CETN3: variants seen among roughly 807,000 people sequenced by gnomAD.
The protein encoded by CETN3 is centrin-3.
CETN3 carries 17 observed loss-of-function variants against 20.1 expected under a neutral mutation model. That is an observed-to-expected ratio of 0.85 (90% CI 0.58 to 1.27). The LOEUF (loss-of-function observed/expected upper bound fraction) is 1.27. Ranked by LOEUF, CETN3 falls within the 50% of genes most tolerant of loss-of-function variation. The pLI, the probability that CETN3 is intolerant of heterozygous loss-of-function variation, is 0.00. For missense variants in CETN3, 169 were observed against 191.2 expected (o/e 0.88, Z 0.69); for synonymous variants, 52 against 59.7 (o/e 0.87, Z 0.59).
intron 1 of CETN3, among the ~76,000 whole-genome samples, chr5:90,408,891 CA>C (rs1450895527): frequency 6.6e-6 from 1 of 151,414 alleles, no homozygotes; most frequent in Non-Finnish European, 1.5e-5. Flanking sequence ...TGACTTGACA[CA>C]AACTTGGGTA....
intron 3 of CETN3, among the ~76,000 whole-genome samples, chr5:90,401,889 G>T (rs1749299991): frequency 6.6e-6 from 1 of 151,988 alleles, no homozygotes; most frequent in Non-Finnish European, 1.5e-5. Flanking sequence ...TCGCTCTGTT[G>T]CCCAGGCTGG....
chr5:90,406,262 AAG>A (rs1749436070), intron 2 of CETN3, among the ~76,000 whole-genome samples: 1 of 152,020 alleles, frequency 6.6e-6, no homozygotes, highest in Admixed American at 6.5e-5. Context: ...TTAGAGAAAA[AAG>A]AGATTTTGTT....
At position 90,394,026 on chromosome 5, in the gene CETN3, G is replaced by C. The variant is rs1409157197; in HGVS notation, c.*38C>G. 1 of 1,358,534 alleles carries C rather than the reference G, an allele frequency of 7.4e-7. No homozygotes were observed. Among genetic ancestry groups the C allele is most frequent in the Non-Finnish European group, 1.0e-6 (1 of 965,286 alleles). The allele number at this position is 1,358,534 out of a possible 1,614,324, so 84.2% of individuals were successfully genotyped here. On this transcript the variant is annotated 3_prime_UTR_variant, in exon 5 of 5. Coordinates refer to ENST00000283122, the MANE Select transcript of CETN3 (RefSeq NM_004365.4). The stretch of plus-strand genomic sequence containing the variant: ...AGGCACAAAAATAGAATATAAGATG[G>C]TAACTGCAACATTCTTAGTGTTTAT...
chr5:90,408,351 C>T (rs1471204650), intron 1 of CETN3, among the ~76,000 whole-genome samples: 4 of 152,134 alleles, frequency 2.6e-5, no homozygotes, highest in Non-Finnish European at 5.9e-5. Context: ...AGTATTTTAG[C>T]ACTGTTGGTT....
At chr5:90,406,110 A>G (rs1189743911) in intron 2 of CETN3, among the ~76,000 whole-genome samples, 5 of 152,144 alleles carry the variant, frequency 3.3e-5, no homozygotes, top group Non-Finnish European at 7.4e-5. Flanking sequence ...TTCTGAAGGG[A>G]TTAACAATCA....
In CETN3 at chr5:90,399,534, A is replaced by C; in HGVS notation, c.284T>G (p.Leu95Trp). 5 of 1,612,122 alleles carry C rather than the reference A, an allele frequency of 3.1e-6. No individual in the cohort carries two copies. The highest frequency in any genetic ancestry group is 4.2e-6 in the Non-Finnish European group (5 of 1,178,666). ...DFNEVVTDWI[L>W]ERDPHEEILK... ...TATTTCTTCATGGGGATCTCTTTCCAATATCCAGTCTGTCACTACAGTTTA... is the reference window on the plus strand; with the variant it reads ...TATTTCTTCATGGGGATCTCTTTCCCATATCCAGTCTGTCACTACAGTTTA... Residue 95 changes from leucine to tryptophan, a missense_variant, in exon 4 of 5, where the codon TTG (leucine) becomes TGG (tryptophan). Physicochemically the swap from Leu to Trp is moderately conservative, Grantham distance 61. Coordinates refer to ENST00000283122, the MANE Select transcript of CETN3 (RefSeq NM_004365.4).
intron 3 of CETN3, among the ~76,000 whole-genome samples, chr5:90,403,826 C>G (rs1232812865): frequency 2.1e-5 from 3 of 141,564 alleles, no homozygotes; most frequent in Non-Finnish European, 3.1e-5. Flanking sequence ...AGCCGAGATC[C>G]CGCCACTGCA....
At chr5:90,406,861 A>C (rs1749461877) in intron 2 of CETN3, among the ~76,000 whole-genome samples, 1 of 150,998 alleles carries the variant, frequency 6.6e-6, no homozygotes, top group South Asian at 2.1e-4. Flanking sequence ...AAAAACAAAA[A>C]AAACAGTGGG....
At position 90,407,822 on chromosome 5, in the gene CETN3, T is replaced by G; in HGVS notation, c.30A>C (p.Val10=). Residue 10 remains valine (V), a synonymous_variant, in exon 2 of 5, where the codon GTA becomes GTC. Transcript: ENST00000283122. MSLALRSEL[V]VDKTKRKKRR... ...TTTTTTTCCTCTTTGTTTTGTCCAC[T>G]ACAAGCTCACTTCTATGAAATGGAA... 6.3e-7 allele frequency: 1 copy of G among 1,590,912 alleles called. No homozygotes were observed. Among genetic ancestry groups the G allele is most frequent in the South Asian group, 1.2e-5 (1 of 85,744 alleles).
intron 4 of CETN3, among the ~76,000 whole-genome samples, chr5:90,396,839 C>T (rs969367882): frequency 4.6e-5 from 7 of 151,932 alleles, no homozygotes; most frequent in African/African-American, 1.2e-4. Flanking sequence ...ATTTAAAATA[C>T]GGTCAGCCTT....
intron 4 of CETN3, chr5:90,396,310 G>A (rs541507236): frequency 2.9e-5 from 29 of 985,000 alleles, no homozygotes; most frequent in East Asian, 1.1e-4. Flanking sequence ...TGGTAAGAAC[G>A]TAATACAAAA....
In CETN3 at chr5:90,409,650, A is replaced by G; in HGVS notation, c.12T>C (p.Ala4=). The part of the protein sequence containing the change: MSL[A]LRSELVVDKT... Reference sequence around the variant, plus strand: ...GCCGCCTCCTTATTACCGACCTCAGAGCTAAACTCATTATCTCTTCGCACA... The same window carrying G: ...GCCGCCTCCTTATTACCGACCTCAGGGCTAAACTCATTATCTCTTCGCACA... Residue 4 remains alanine (A), a synonymous_variant, in exon 1 of 5, where the codon GCT becomes GCC. Coordinates refer to ENST00000283122, the MANE Select transcript of CETN3 (RefSeq NM_004365.4). 1 of 1,614,024 alleles carries G rather than the reference A, an allele frequency of 6.2e-7. No individual in the cohort carries two copies. The highest frequency in any genetic ancestry group is 8.5e-7 in the Non-Finnish European group (1 of 1,180,008).
chr5:90,397,704 C>T (rs951842206), intron 4 of CETN3, among the ~76,000 whole-genome samples: 29 of 152,184 alleles, frequency 1.9e-4, no homozygotes, highest in African/African-American at 6.3e-4. Flanking sequence ...TACAATATTA[C>T]GTTTAAAAGC....
intron 4 of CETN3, among the ~76,000 whole-genome samples, chr5:90,398,874 C>T (rs1394766659): frequency 1.3e-5 from 2 of 152,200 alleles, no homozygotes; most frequent in Non-Finnish European, 2.9e-5. Flanking sequence ...AAAGCAAGAA[C>T]CACATCTGCC....
intron 3 of CETN3, among the ~76,000 whole-genome samples, chr5:90,403,875 G>GA (rs60385437): frequency 0.2 from 16,962 of 86,716 alleles, 2,308 homozygotes; most frequent in African/African-American, 0.27. Context: ...TGTCTCAAAA[G>GA]AAAAAAAAAA....
intron 1 of CETN3, among the ~76,000 whole-genome samples, chr5:90,409,402 C>G (rs1749560875): frequency 6.6e-6 from 1 of 152,168 alleles, no homozygotes. Flanking sequence ...AACCTTCTGG[C>G]AGTCCAAAGC....
chr5:90,403,041 G>A (rs963511844), intron 3 of CETN3, among the ~76,000 whole-genome samples: 1 of 152,176 alleles, frequency 6.6e-6, no homozygotes, highest in African/African-American at 2.4e-5. Flanking sequence ...TAGTCTTAAA[G>A]ACACTAATTC....
At chr5:90,396,743 C>T (rs906209865) in intron 4 of CETN3, among the ~76,000 whole-genome samples, 1 of 152,024 alleles carries the variant, frequency 6.6e-6, no homozygotes, top group African/African-American at 2.4e-5. Flanking sequence ...TTTTAAGTTT[C>T]ATATATAAGT....
At chr5:90,402,906 G>C (rs997230417) in intron 3 of CETN3, among the ~76,000 whole-genome samples, 5 of 152,134 alleles carry the variant, frequency 3.3e-5, no homozygotes, top group African/African-American at 4.8e-5. Context: ...CCCCAGTACA[G>C]TACCTAATAC....
Sources: allele counts gnomAD v4.1 joint callset (sites outside exome capture counted in the v4.1 genomes callset), GRCh38; gene constraint gnomAD v4.1.1; transcripts MANE v1.5; gene names NCBI Gene and HGNC (gene_info 2026-07-23, HGNC 2026-07-21).